KAZN: variants seen among roughly 807,000 people sequenced by gnomAD.
The protein encoded by KAZN is kazrin, periplakin interacting protein, also known as kazrin.
A neutral mutation model predicts 87.4 loss-of-function variants in KAZN; 40 were observed. The observed-to-expected ratio is 0.46, with a 90% CI of 0.36 to 0.60. The LOEUF is 0.60. Ranked by LOEUF, KAZN falls within the 20% of genes least tolerant of loss-of-function variation. The pLI is 0.00. For missense variants in KAZN, 898 were observed against 1,073.9 expected (o/e 0.84, Z 2.29); for synonymous variants, 466 against 458.3 (o/e 1.02, Z -0.22).
intron 2 of KAZN, among the ~76,000 whole-genome samples, chr1:14,377,308 A>G (rs896602721): frequency 1.3e-5 from 2 of 152,162 alleles, no homozygotes; most frequent in African/African-American, 4.8e-5. Context: ...AGAGATGACA[A>G]ATGTGAAGGT....
chr1:14,946,680 C>T (rs1661839252), intron 1 of KAZN, among the ~76,000 whole-genome samples: 1 of 152,132 alleles, frequency 6.6e-6, no homozygotes, highest in Non-Finnish European at 1.5e-5. Flanking sequence ...CAGCTGAGCC[C>T]CCGTTCACCT....
intron 1 of KAZN, among the ~76,000 whole-genome samples, chr1:14,087,632 T>C (rs1414205070): frequency 6.6e-6 from 1 of 152,066 alleles, no homozygotes; most frequent in Non-Finnish European, 1.5e-5. Context: ...TCCTTTCTAT[T>C]CTTATTTTGC....
intron 1 of KAZN, among the ~76,000 whole-genome samples, chr1:13,957,927 C>T (rs1188281372): frequency 6.6e-6 from 1 of 152,068 alleles, no homozygotes; most frequent in Non-Finnish European, 1.5e-5. Context: ...TGGCTACTAC[C>T]AGTAGAAGTA....
At chr1:15,109,787 T>G (rs1213932284) in intron 13 of KAZN, among the ~76,000 whole-genome samples, 30 of 38,058 alleles carry the variant, frequency 7.9e-4, no homozygotes, top group African/African-American at 3.9e-3. Context: ...ATATATGTGT[T>G]TGTGTGTATG....
intron 1 of KAZN, among the ~76,000 whole-genome samples, chr1:14,080,637 T>C (rs1643637718): frequency 6.6e-6 from 1 of 152,240 alleles, no homozygotes; most frequent in African/African-American, 2.4e-5. Flanking sequence ...AGATACTGTA[T>C]GTGCAGCATG....
intron 1 of KAZN, among the ~76,000 whole-genome samples, chr1:14,910,637 A>G (rs1031618888): frequency 6.6e-6 from 1 of 152,196 alleles, no homozygotes; most frequent in African/African-American, 2.4e-5. Flanking sequence ...GGGAGGAACT[A>G]TGGCTCCAGC....
At chr1:14,920,869 C>T (rs1204805597) in intron 1 of KAZN, among the ~76,000 whole-genome samples, 1 of 152,090 alleles carries the variant, frequency 6.6e-6, no homozygotes, top group Non-Finnish European at 1.5e-5. Flanking sequence ...TCCTTGACTC[C>T]AGGGTCTCCT....
At chr1:14,024,193 C>T (rs759854258) in intron 1 of KAZN, among the ~76,000 whole-genome samples, 20 of 152,200 alleles carry the variant, frequency 1.3e-4, no homozygotes, top group Non-Finnish European at 1.9e-4. Context: ...ATATTCAATA[C>T]AGCCTTGTTT....
At chr1:14,621,277 T>A (rs1678676381) in intron 1 of KAZN, among the ~76,000 whole-genome samples, 1 of 152,224 alleles carries the variant, frequency 6.6e-6, no homozygotes, top group South Asian at 2.1e-4. Context: ...CAGACAACTG[T>A]GCTGCAAGTG....
intron 1 of KAZN, among the ~76,000 whole-genome samples, chr1:14,600,964 GC>G (rs1203746637): frequency 1.3e-5 from 2 of 152,214 alleles, no homozygotes; most frequent in Non-Finnish European, 2.9e-5. Flanking sequence ...TGACATACTC[GC>G]GGATGGTTAA....
At chr1:14,601,405 A>G (rs1676969441) in intron 1 of KAZN, among the ~76,000 whole-genome samples, 1 of 151,776 alleles carries the variant, frequency 6.6e-6, no homozygotes, top group African/African-American at 2.4e-5. Context: ...ACAGTACTTG[A>G]TACATTATTT....
intron 1 of KAZN, among the ~76,000 whole-genome samples, chr1:13,943,451 A>C (rs920531608): frequency 6.6e-6 from 1 of 152,036 alleles, no homozygotes; most frequent in Admixed American, 6.5e-5. Context: ...TGTTAAAAAA[A>C]ATTTTTTAAA....
chr1:14,947,022 C>T (rs768769796), intron 1 of KAZN, among the ~76,000 whole-genome samples: 1 of 152,154 alleles, frequency 6.6e-6, no homozygotes, highest in South Asian at 2.1e-4. Flanking sequence ...TCCATCTTTC[C>T]GTGGGTTCTG....
At chr1:14,748,468 A>G (rs759052584) in intron 1 of KAZN, among the ~76,000 whole-genome samples, 10 of 152,052 alleles carry the variant, frequency 6.6e-5, no homozygotes, top group Non-Finnish European at 1.3e-4. Context: ...GGAGTTGTAC[A>G]CTTCTTTTTT....
At chr1:14,645,597 G>T (rs988482184) in intron 1 of KAZN, among the ~76,000 whole-genome samples, 11 of 152,140 alleles carry the variant, frequency 7.2e-5, no homozygotes, top group Non-Finnish European at 5.9e-5. Flanking sequence ...CATTGATTTT[G>T]TATCCTGAAA....
intron 1 of KAZN, among the ~76,000 whole-genome samples, chr1:14,912,718 T>G (rs1657382489): frequency 6.6e-6 from 1 of 152,214 alleles, no homozygotes; most frequent in African/African-American, 2.4e-5. Flanking sequence ...ACTAAAAATC[T>G]GAACTTTTGG....
chr1:14,493,626 C>T (rs1669794209), intron 2 of KAZN, among the ~76,000 whole-genome samples: 2 of 152,284 alleles, frequency 1.3e-5, no homozygotes, highest in East Asian at 1.9e-4. Flanking sequence ...GGAAATGGTG[C>T]CCCTTTCATT....
At chr1:14,238,650 T>C (rs1438689461) in intron 2 of KAZN, among the ~76,000 whole-genome samples, 1 of 152,262 alleles carries the variant, frequency 6.6e-6, no homozygotes, top group Admixed American at 6.5e-5. Flanking sequence ...TCTCTCTGGA[T>C]GCTTATTTGC....
intron 2 of KAZN, among the ~76,000 whole-genome samples, chr1:14,322,585 C>A (rs889262040): frequency 6.6e-6 from 1 of 152,194 alleles, no homozygotes; most frequent in African/African-American, 2.4e-5. Context: ...AAAGAAAAGG[C>A]TTCCAGTAAC....
Sources: allele counts gnomAD v4.1 joint callset (sites outside exome capture counted in the v4.1 genomes callset), GRCh38; gene constraint gnomAD v4.1.1; transcripts MANE v1.5; gene names NCBI Gene and HGNC (gene_info 2026-07-23, HGNC 2026-07-21).